LRRC72: variants seen among roughly 807,000 people sequenced by gnomAD.
The protein encoded by LRRC72 is leucine-rich repeat-containing protein 72.
A neutral mutation model predicts 35.8 loss-of-function variants in LRRC72; 41 were observed. The ratio of observed to expected loss-of-function variants is 1.15; its 90% CI spans 0.89 to 1.49. The LOEUF is 1.49. LRRC72 is among the 40% of genes most tolerant of loss of function. The pLI is 0.00. For missense variants in LRRC72, 389 were observed against 330.7 expected, an observed-to-expected ratio of 1.18 and a Z score of -1.37; for synonymous variants, 118 against 119.2, an observed-to-expected ratio of 0.99 and a Z score of 0.07.
intron 1 of LRRC72, among the ~76,000 whole-genome samples, chr7:16,532,177 C>G (rs1021277472): frequency 6.6e-6 from 1 of 152,080 alleles, no homozygotes; most frequent in African/African-American, 2.4e-5. Flanking sequence ...AAAAATAGTT[C>G]TTTAAAGACC....
Position 16,560,980 on chromosome 7 carries a change from CA to C in LRRC72, c.427+1982del, listed in dbSNP as rs533856550. Reference sequence around the variant, plus strand: ...TGTGATTAGAATTACTCCCTTTAATCATGGAAATGAAAAGCTCAGAGATTTA... The same window carrying C: ...TGTGATTAGAATTACTCCCTTTAATCTGGAAATGAAAAGCTCAGAGATTTA... On this transcript the variant is annotated intron_variant, in intron 5 of 8. Transcript: ENST00000401542. Among the ~76,000 whole-genome samples, 322 of 152,238 alleles carry C rather than the reference CA, an allele frequency of 2.1e-3. 2 individuals are homozygous for C. The highest frequency in any genetic ancestry group is 7.5e-3 in the African/African-American group (310 of 41,558).
intron 7 of LRRC72, among the ~76,000 whole-genome samples, chr7:16,577,029 A>G (rs1389231249): frequency 3.3e-5 from 5 of 152,252 alleles, no homozygotes; most frequent in Non-Finnish European, 7.3e-5. Context: ...TCAACGGCTC[A>G]GGAAATCAAG....
intron 5 of LRRC72, among the ~76,000 whole-genome samples, chr7:16,562,888 G>C (rs1473673681): frequency 6.6e-6 from 1 of 152,164 alleles, no homozygotes; most frequent in South Asian, 2.1e-4. Flanking sequence ...CTGCTTTATC[G>C]TAGTTTGCCT....
At chr7:16,538,331 C>A (rs181735233) in intron 3 of LRRC72, among the ~76,000 whole-genome samples, 145 of 152,242 alleles carry the variant, frequency 9.5e-4, no homozygotes, top group Admixed American at 2.6e-3. Context: ...TTGCTTTGTA[C>A]CCTATAGTAC....
intron 7 of LRRC72, among the ~76,000 whole-genome samples, chr7:16,578,782 A>G (rs1783089972): frequency 1.3e-5 from 2 of 152,218 alleles, no homozygotes; most frequent in African/African-American, 4.8e-5. Context: ...AAAAATGAAG[A>G]CGAGAACAGG....
chr7:16,547,069 C>A (rs956362736), intron 3 of LRRC72, among the ~76,000 whole-genome samples: 4 of 152,174 alleles, frequency 2.6e-5, no homozygotes, highest in Middle Eastern at 3.2e-3. Flanking sequence ...CCTCGCACAG[C>A]CAGGCAGGAC....
chr7:16,528,819 A>G (rs773712029), intron 1 of LRRC72, among the ~76,000 whole-genome samples: 10 of 152,150 alleles, frequency 6.6e-5, no homozygotes, highest in Non-Finnish European at 1.5e-4. Context: ...GAATCACCCA[A>G]TAGTTAGTTC....
At chr7:16,548,454 G>T (rs1782489405) in intron 3 of LRRC72, among the ~76,000 whole-genome samples, 1 of 152,192 alleles carries the variant, frequency 6.6e-6, no homozygotes. Flanking sequence ...CCCAAGCCAG[G>T]GCTGTGACAC....
chr7:16,567,527 C>G lies in LRRC72; in HGVS notation c.654C>G (p.Ala218=), dbSNP rs766173794. 4.2e-6 allele frequency: 6 copies of G among 1,437,852 alleles called. No individual in the cohort carries two copies. The highest frequency in any genetic ancestry group is 5.5e-6 in the Non-Finnish European group (6 of 1,095,722). 89.1% of individuals were successfully genotyped at this position (1,437,852 alleles called of 1,614,324 possible). ...DPKSPFKQKP[A]QRVPSDFAFA... ...AATCACCATTTAAGCAAAAACCAGCCCAGAGAGTACCTTCAGGTATTTCGT... is the reference window on the plus strand; with the variant it reads ...AATCACCATTTAAGCAAAAACCAGCGCAGAGAGTACCTTCAGGTATTTCGT... Residue 218 remains alanine, a synonymous_variant, in exon 7 of 9, where the codon GCC becomes GCG. Transcript: ENST00000401542.
At chr7:16,571,562 G>A (rs1782944863) in intron 7 of LRRC72, among the ~76,000 whole-genome samples, 1 of 152,160 alleles carries the variant, frequency 6.6e-6, no homozygotes, top group Non-Finnish European at 1.5e-5. Context: ...AGCAGAATGG[G>A]GTGTCGCCTC....
chr7:16,557,608 G>T (rs1385840305), intron 4 of LRRC72, among the ~76,000 whole-genome samples, 167 bp downstream of exon 4: 1 of 152,110 alleles, frequency 6.6e-6, no homozygotes, highest in Non-Finnish European at 1.5e-5. Flanking sequence ...ATTAAGAAAT[G>T]TGCTATTAGA....
intron 7 of LRRC72, among the ~76,000 whole-genome samples, chr7:16,571,202 C>T (rs1291417254): frequency 2.6e-5 from 4 of 152,150 alleles, no homozygotes; most frequent in Middle Eastern, 3.4e-3. Context: ...TTCTAAGGCC[C>T]GTCAATCATC....
At chr7:16,566,613 C>T (rs1218835841) in intron 6 of LRRC72, among the ~76,000 whole-genome samples, 1 of 152,092 alleles carries the variant, frequency 6.6e-6, no homozygotes, top group Non-Finnish European at 1.5e-5. Flanking sequence ...CTCTTTACTA[C>T]TTTATTAGAA....
chr7:16,532,427 T>A, intron 1 of LRRC72, 68 bp from the exon 2 acceptor site: 1 of 1,091,858 alleles, frequency 9.2e-7, no homozygotes, highest in Non-Finnish European at 1.4e-6. Context: ...TTATTGTTAC[T>A]GACTGCAAGT....
intron 7 of LRRC72, among the ~76,000 whole-genome samples, chr7:16,572,188 C>T (rs1040308118): frequency 6.6e-6 from 1 of 152,146 alleles, no homozygotes; most frequent in African/African-American, 2.4e-5. Context: ...CACAAAAGCC[C>T]AGGACCAGAT....
rs753636642 is a variant in LRRC72, at chr7:16,581,467, T to C, written c.842T>C (p.Met281Thr). ...LEEEGTETAQ[M>T]LTVTLR is the part of the protein sequence containing the mutation. Reference sequence around the variant, plus strand: ...GAGGAAGGCACAGAAACAGCTCAAATGCTCACAGTTACACTGAGATAAGCC... The same window carrying C: ...GAGGAAGGCACAGAAACAGCTCAAACGCTCACAGTTACACTGAGATAAGCC... Residue 281 changes from methionine to threonine, a missense_variant, in exon 9 of 9, where the codon ATG becomes ACG. Transcript: ENST00000401542. 1.9e-6 allele frequency: 3 copies of C among 1,549,326 alleles called. No individual in the cohort carries two copies. Among genetic ancestry groups the C allele is most frequent in the Non-Finnish European group, 2.6e-6 (3 of 1,146,578 alleles).
chr7:16,571,436 A>G (rs1272914072), intron 7 of LRRC72, among the ~76,000 whole-genome samples: 2 of 116,580 alleles, frequency 1.7e-5, no homozygotes, highest in Non-Finnish European at 3.8e-5. Context: ...CCAGTCTGCA[A>G]CTCTGAGCGA....
At chr7:16,554,830 G>A (rs1038301897) in intron 3 of LRRC72, among the ~76,000 whole-genome samples, 4 of 152,164 alleles carry the variant, frequency 2.6e-5, no homozygotes, top group South Asian at 4.1e-4. Flanking sequence ...GTTTGTTAGT[G>A]TTCTTCTTGT....
At position 16,581,492 on chromosome 7, in the gene LRRC72, C is replaced by T. The variant is rs924406513; in HGVS notation, c.*3C>T. The T allele has an allele frequency of 3.9e-6, 6 of 1,535,562 alleles. No homozygotes were observed. The highest frequency in any genetic ancestry group is 4.4e-6 in the Non-Finnish European group (5 of 1,140,566). On this transcript the variant is annotated 3_prime_UTR_variant, in exon 9 of 9. Coordinates refer to ENST00000401542, the MANE Select transcript of LRRC72 (RefSeq NM_001195280.2). ...TGCTCACAGTTACACTGAGATAAGC[C>T]CTGGTATTTCTAGATATCTTAGTGG...
Sources: gnomAD v4.1 joint callset for allele counts (sites outside exome capture counted in the v4.1 genomes callset) on GRCh38, gnomAD v4.1.1 for gene constraint, MANE v1.5 for transcripts, NCBI Gene and HGNC (gene_info 2026-07-23, HGNC 2026-07-21) for gene names.